The following ROPN1L variants were observed in gnomAD, a reference collection of about 807,000 sequenced individuals.
The protein encoded by ROPN1L is ropporin-1-like protein.
ROPN1L carries 23 observed loss-of-function variants against 22.7 expected under a neutral mutation model. That is an observed-to-expected ratio of 1.01 (90% CI 0.73 to 1.43). The LOEUF (loss-of-function observed/expected upper bound fraction) is 1.43, where lower values mean the gene tolerates loss of function less well. Among genes scored for constraint, ROPN1L ranks in the 40% most tolerant of loss-of-function variants. The probability of loss-of-function intolerance (pLI) is 0.00; values close to 1 mark genes in which losing one functional copy is unlikely to be tolerated. For synonymous variants in ROPN1L, 116 were observed against 117.8 expected (o/e 0.98, Z 0.10); for missense variants, 271 against 291.5 (o/e 0.93, Z 0.51).
rs746488152 is a variant in ROPN1L at position 10,448,390 on chromosome 5, G to C, written c.255+7G>C. Reference sequence around the variant, plus strand: ...GAAAGTTTTGCACAAGCAGGTATGGGGGGGCGTAGTCTCTGGCCTCAGGCA... The same window carrying C: ...GAAAGTTTTGCACAAGCAGGTATGGCGGGGCGTAGTCTCTGGCCTCAGGCA... On this transcript the variant is annotated splice_region_variant and intron_variant, in intron 2 of 4. Coordinates refer to ENST00000274134, the MANE Select transcript of ROPN1L (RefSeq NM_031916.5). The C allele has an allele frequency of 5.6e-5, 90 of 1,614,040 alleles. No individual in the cohort carries two copies. Among genetic ancestry groups the C allele is most frequent in the Non-Finnish European group, 7.2e-5 (85 of 1,180,008 alleles).
the ROPN1L span, among the ~76,000 whole-genome samples, chr5:10,477,125 A>C: frequency 6.6e-6 from 1 of 152,282 alleles, no homozygotes; most frequent in Non-Finnish European, 1.5e-5. Flanking sequence ...AATTAAGTTC[A>C]TAGAATTCCA....
chr5:10,469,248 G>A (rs558726892), downstream of ROPN1L, among the ~76,000 whole-genome samples: 6 of 152,212 alleles, frequency 3.9e-5, no homozygotes, highest in South Asian at 1.0e-3. Context: ...GCCAAGGTGG[G>A]AGGATTGTTT....
At chr5:10,456,886 A>T (rs1054286541) in intron 3 of ROPN1L, among the ~76,000 whole-genome samples, 3 of 152,160 alleles carry the variant, frequency 2.0e-5, no homozygotes, top group African/African-American at 7.2e-5. Context: ...CACAGATCTC[A>T]TCTGCCTGCT....
At chr5:10,472,848 GATTA>G (rs1172881464), downstream of ROPN1L, among the ~76,000 whole-genome samples, 1 of 152,174 alleles carries the variant, frequency 6.6e-6, no homozygotes, top group Non-Finnish European at 1.5e-5. Context: ...GAGAAAGAGA[GATTA>G]ATTAAGTTCC....
At chr5:10,474,996 A>C (rs1259675665), downstream of ROPN1L, among the ~76,000 whole-genome samples, 1 of 152,246 alleles carries the variant, frequency 6.6e-6, no homozygotes, top group Admixed American at 6.5e-5. Context: ...TCAGTGGTTA[A>C]ACATAAATGT....
chr5:10,474,766 A>G (rs1361142846), downstream of ROPN1L, among the ~76,000 whole-genome samples: 1 of 152,270 alleles, frequency 6.6e-6, no homozygotes, highest in Non-Finnish European at 1.5e-5. Flanking sequence ...TAGAAAAGGA[A>G]TGCAGTTTCT....
chr5:10,452,375 C>T (rs1741288677), intron 3 of ROPN1L, among the ~76,000 whole-genome samples: 1 of 148,452 alleles, frequency 6.7e-6, no homozygotes, highest in Non-Finnish European at 1.5e-5. Context: ...CTTGCTCTGT[C>T]ACCCAGGCTG....
intron 1 of ROPN1L, 80 bp from the exon 2 acceptor site, chr5:10,448,180 G>C (rs1579643573): frequency 6.6e-7 from 1 of 1,526,570 alleles, no homozygotes; most frequent in African/African-American, 1.4e-5. Flanking sequence ...CCGTTGTTTT[G>C]GGGGGTTATT....
intron 3 of ROPN1L, among the ~76,000 whole-genome samples, chr5:10,452,341 A>G (rs13155489): frequency 7.7e-4 from 82 of 106,810 alleles, no homozygotes; most frequent in Admixed American, 1.7e-3. Context: ...GTGTGTGTGT[A>G]TTTTTTTTTT....
At chr5:10,456,438 A>AGATCGCATC (rs1390054541) in intron 3 of ROPN1L, among the ~76,000 whole-genome samples, 2 of 152,230 alleles carry the variant, frequency 1.3e-5, no homozygotes, top group Non-Finnish European at 2.9e-5. Context: ...CAGTCAGCCA[A>AGATCGCATC]GATCGCATCA....
In ROPN1L at chr5:10,461,247, G is replaced by A. The variant is rs761391233; in HGVS notation, c.481G>A (p.Ala161Thr). The change falls in exon 4 of 5, where the codon GCT (alanine) becomes ACT (threonine). Residue 161 changes from alanine to threonine, a missense_variant. Ala to Thr is a moderately conservative substitution (Grantham distance 58, BLOSUM62 0). Transcript: ENST00000274134. ...CACGGACGATCCGGAGGGCGGGCCC[G>A]CTCGCATCCCCTTCAAGACGTTTTC... ...ILTDDPEGGP[A>T]RIPFKTFSYV... 12 of 1,614,032 alleles carry A rather than the reference G, an allele frequency of 7.4e-6. No homozygotes were observed. In the East Asian group the frequency reaches 8.9e-5, roughly 12 times the overall value.
At chr5:10,474,459 T>G (rs1735292966), downstream of ROPN1L, among the ~76,000 whole-genome samples, 1 of 152,234 alleles carries the variant, frequency 6.6e-6, no homozygotes, top group Non-Finnish European at 1.5e-5. Context: ...CACCAGGTGC[T>G]GAGGACATGA....
chr5:10,480,687 C>T, the ROPN1L span, among the ~76,000 whole-genome samples: 63 of 152,226 alleles, frequency 4.1e-4, 1 homozygote, highest in Non-Finnish European at 2.9e-5. Context: ...CATCAGCATC[C>T]CCTGGGAGAG....
chr5:10,479,869 C>T, the ROPN1L span, among the ~76,000 whole-genome samples: 3 of 152,310 alleles, frequency 2.0e-5, no homozygotes, highest in East Asian at 5.8e-4. Flanking sequence ...CTCAGCCTCC[C>T]AAGTAGCTGA....
At position 10,461,241 on chromosome 5, in the gene ROPN1L, G is replaced by T. The variant is rs775309425; in HGVS notation, c.475G>T (p.Gly159Trp). Residue 159 changes from glycine to tryptophan, a missense_variant, in exon 4 of 5, where the codon GGG (glycine) becomes TGG (tryptophan). Physicochemically the swap from Gly to Trp is radical, Grantham distance 184 (BLOSUM62 -2). Coordinates refer to ENST00000274134, the MANE Select transcript of ROPN1L (RefSeq NM_031916.5). ...CEILTDDPEGGPARIPFKTFS... is the reference protein window; with the variant it reads ...CEILTDDPEGWPARIPFKTFS... ...GATCCTCACGGACGATCCGGAGGGC[G>T]GGCCCGCTCGCATCCCCTTCAAGAC... 6.2e-7 allele frequency: 1 copy of T among 1,614,106 alleles called. No homozygotes were observed. Among genetic ancestry groups the T allele is most frequent in the Admixed American group, 1.7e-5 (1 of 60,028 alleles).
At chr5:10,443,642 A>C (rs1032973463) in intron 1 of ROPN1L, among the ~76,000 whole-genome samples, 4 of 152,078 alleles carry the variant, frequency 2.6e-5, no homozygotes, top group African/African-American at 4.8e-5. Flanking sequence ...AAAAAAAAAA[A>C]CACAGACATA....
chr5:10,469,539 C>T (rs1735213738), downstream of ROPN1L, among the ~76,000 whole-genome samples: 1 of 152,066 alleles, frequency 6.6e-6, no homozygotes, highest in Non-Finnish European at 1.5e-5. Flanking sequence ...TTGAAAAACA[C>T]CTGCTTTTCC....
chr5:10,447,612 CA>C (rs1385728977), intron 1 of ROPN1L, among the ~76,000 whole-genome samples: 2 of 152,242 alleles, frequency 1.3e-5, no homozygotes, highest in Non-Finnish European at 2.9e-5. Flanking sequence ...CACAGTGGCT[CA>C]CGCCTATAAT....
At chr5:10,476,166 G>C (rs1735315170), downstream of ROPN1L, among the ~76,000 whole-genome samples, 1 of 152,240 alleles carries the variant, frequency 6.6e-6, no homozygotes, top group South Asian at 2.1e-4. Context: ...TAGCTGAGCA[G>C]CCACATGCCC....
Sources: gnomAD v4.1 joint callset for allele counts (sites outside exome capture counted in the v4.1 genomes callset) on GRCh38, gnomAD v4.1.1 for gene constraint, MANE v1.5 for transcripts, NCBI Gene and HGNC (gene_info 2026-07-23, HGNC 2026-07-21) for gene names.